Variants in HELZ2 observed in about 807,000 individuals in gnomAD.
HELZ2 encodes the protein helicase with zinc finger 2.
HELZ2 carries 143 observed loss-of-function variants against 208.8 expected under a neutral mutation model. The ratio of observed to expected loss-of-function variants is 0.68; its 90% CI spans 0.60 to 0.79. The LOEUF is 0.79. HELZ2 is among the 30% of genes least tolerant of loss of function. The pLI is 0.00. For missense variants in HELZ2, 3,690 were observed against 3,794.5 expected (o/e 0.97, Z 0.72); for synonymous variants, 1,705 against 1,693.7 (o/e 1.01, Z -0.16).
intron 3 of HELZ2, chr20:63,570,212 G>A (rs777306947): frequency 1.5e-4 from 83 of 540,786 alleles, no homozygotes; most frequent in Middle Eastern, 7.8e-4. Flanking sequence ...CACCTGCCTC[G>A]GTCTCCCAAA....
chr20:63,570,226 C>T (rs1453971978), intron 3 of HELZ2: 2 of 563,650 alleles, frequency 3.5e-6, no homozygotes, highest in Non-Finnish European at 6.9e-6. Context: ...TCCCAAAGTG[C>T]TGGGATTACA....
intron 3 of HELZ2, chr20:63,570,163 T>C (rs1026994513): frequency 4.2e-6 from 2 of 474,816 alleles, no homozygotes; most frequent in Non-Finnish European, 8.3e-6. Context: ...TTTCACCCTA[T>C]TGGCCAGGCT....
rs530347157 is a variant in HELZ2 at position 63,570,239 on chromosome 20, C to T, written c.570+265G>A. Reference sequence around the variant, plus strand: ...TCTCCCAAAGTGCTGGGATTACAGGCGTGAACCACCGCACCTGGCCAAATC... The same window carrying T: ...TCTCCCAAAGTGCTGGGATTACAGGTGTGAACCACCGCACCTGGCCAAATC... On this transcript the variant is annotated intron_variant, in intron 3 of 18. Transcript: ENST00000467148. The T allele has an allele frequency of 1.3e-4, 75 of 592,986 alleles. No homozygotes were observed. In the African/African-American group the frequency reaches 1.3e-3, roughly 10 times the overall value. 36.7% of individuals were successfully genotyped at this position (592,986 alleles called of 1,614,324 possible).
chr20:63,569,674 G>A lies in HELZ2; in HGVS notation c.571-9C>T, dbSNP rs2082999728. On this transcript the variant is annotated splice_polypyrimidine_tract_variant and intron_variant, in intron 3 of 18. Coordinates refer to ENST00000467148, the Ensembl canonical transcript of HELZ2. ...ACGTGTAGCAGGGGCTCCTGGAGAG[G>A]AGGCCAGACGGTGAGGGGGGCCCAG... 3.3e-6 allele frequency: 5 copies of A among 1,512,032 alleles called. No homozygotes were observed. Among genetic ancestry groups the A allele is most frequent in the Non-Finnish European group, 4.4e-6 (5 of 1,129,492 alleles). 93.7% of individuals were successfully genotyped at this position (1,512,032 alleles called of 1,614,324 possible). A position where few individuals can be genotyped will look rare whatever the true frequency, so the allele number is the denominator to read the frequency against.
At chr20:63,559,942 C>T (rs754792356) in exon 18 of HELZ2, 2 of 1,610,792 alleles carry the variant, frequency 1.2e-6, no homozygotes, top group Admixed American at 1.7e-5. Context: ...CAGGCAGAGC[C>T]CCTCCTGGGC....
At chr20:63,566,085 C>A in exon 8 of HELZ2, 1 of 1,585,788 alleles carries the variant, frequency 6.3e-7, no homozygotes, top group Non-Finnish European at 8.5e-7. Flanking sequence ...ACGGCGTCCC[C>A]CACTACCACC....
downstream of HELZ2, chr20:63,558,947 T>C (rs1409337018): frequency 2.7e-5 from 8 of 296,604 alleles, no homozygotes; most frequent in Non-Finnish European, 4.4e-5. Flanking sequence ...TCCACAGGGT[T>C]TCCTTCCTGG....
chr20:63,566,226 G>A lies in HELZ2; in HGVS notation c.2596C>T (p.Gln866Ter). The stretch of plus-strand genomic sequence containing the variant: ...GTGCTGAGCACCACGACCCGGAACT[G>A]CCGCCCTGCAGGGGGCACGCAGTCA... Residue 866 changes from glutamine to a stop codon, truncating the protein, a stop_gained, in exon 8 of 19, where the codon CAG becomes TAG. Transcript: ENST00000467148. LOFTEE classifies it high-confidence loss of function. The A allele has an allele frequency of 6.7e-7, 1 of 1,487,128 alleles. No homozygotes were observed. 92.1% of individuals were successfully genotyped at this position (1,487,128 alleles called of 1,614,324 possible).
At chr20:63,563,728 G>A in exon 8 of HELZ2, 2 of 1,598,180 alleles carry the variant, frequency 1.3e-6, no homozygotes, top group Non-Finnish European at 8.5e-7. Flanking sequence ...CCCTGGCAGA[G>A]TAGGCAGAGC....
rs751518404 is a variant in HELZ2, at chr20:63,562,139, G to T, written c.6462C>A (p.Asn2154Lys). The change falls in exon 10 of 19, where the codon AAC (asparagine) becomes AAA (lysine). Residue 2154 changes from asparagine (N) to lysine (K), a missense_variant. By Grantham distance (94) the Asn-to-Lys change is moderately conservative. Transcript: ENST00000467148. ...CCCTGACCGCCACGTTCTGGCTGGG[G>T]TTCAGCTTGTGGCGGCCTCCGGGGA... The T allele has an allele frequency of 1.2e-5, 19 of 1,612,456 alleles. No homozygotes were observed. In the Admixed American group the frequency reaches 3.2e-4, roughly 27 times the overall value.
chr20:63,560,204 C>T (rs144804157), exon 17 of HELZ2: 265 of 1,557,188 alleles, frequency 1.7e-4, no homozygotes, highest in Middle Eastern at 8.9e-4. Context: ...ACGGCCACCC[C>T]GGCGATGCCC....
In HELZ2 at chr20:63,565,003, C is replaced by T. The variant is rs1294859285; in HGVS notation, c.3819G>A (p.Arg1273=). The stretch of plus-strand genomic sequence containing the variant: ...TGCCCAGCGGGTAGTAGAAGCCTTG[C>T]CGCCACAGGACAATTTGGACCCAGA... The change falls in exon 8 of 19, where the codon CGG becomes CGA. Residue 1273 remains arginine, a synonymous_variant. Coordinates refer to ENST00000467148, the Ensembl canonical transcript of HELZ2. The T allele has an allele frequency of 8.2e-6, 13 of 1,593,988 alleles. No homozygotes were observed. In the East Asian group the frequency reaches 2.3e-4, roughly 28 times the overall value.
chr20:63,559,368 C>T, exon 19 of HELZ2: 1 of 1,593,354 alleles, frequency 6.3e-7, no homozygotes, highest in African/African-American at 1.3e-5. Flanking sequence ...AGGAGGTGGT[C>T]TCCTGTGAGG....
chr20:63,559,872 C>T, intron 18 of HELZ2, 56 bp downstream of exon 19: 2 of 1,577,748 alleles, frequency 1.3e-6, no homozygotes, highest in Non-Finnish European at 1.7e-6. Context: ...AGCTCCCTAG[C>T]CCAGCCCTGG....
Position 63,567,632 on chromosome 20 carries a change from G to A in HELZ2, c.1731-5C>T, listed in dbSNP as rs750324865. ...CGGATGTAGATGTCGGCGGCACTGC[G>A]GGAGGGGGAGGAGCTCATGGGCTTC... is the stretch of plus-strand genomic sequence containing the variant. On this transcript the variant is annotated splice_region_variant and splice_polypyrimidine_tract_variant and intron_variant, in intron 5 of 18. Transcript: ENST00000467148. The A allele has an allele frequency of 4.4e-5, 71 of 1,597,438 alleles. 1 individual carries two copies. Among genetic ancestry groups the A allele is most frequent in the African/African-American group, 5.4e-5 (4 of 74,712 alleles).
chr20:63,570,747 G>C, exon 2 of HELZ2: 1 of 1,546,456 alleles, frequency 6.5e-7, no homozygotes, highest in South Asian at 1.1e-5. Flanking sequence ...TAGGGCACCA[G>C]CCCGTCCTGC....
chr20:63,561,765 G>A lies in HELZ2; in HGVS notation c.6692-20C>T, dbSNP rs527866325. ...GCAGTCCTGAGGGTAGTTGGGGGAC[G>A]TGAGTCCTGCCCCGCGTGCCAGCTC... On this transcript the variant is annotated intron_variant, in intron 11 of 18. Coordinates refer to ENST00000467148, the Ensembl canonical transcript of HELZ2. 23 of 1,575,914 alleles carry A rather than the reference G, an allele frequency of 1.5e-5. No homozygotes were observed. The highest frequency in any genetic ancestry group is 6.9e-5 in the South Asian group (6 of 87,112).
exon 16 of HELZ2, chr20:63,560,650 C>G: frequency 6.2e-7 from 1 of 1,610,242 alleles, no homozygotes; most frequent in Non-Finnish European, 8.5e-7. Flanking sequence ...ACGTCTTCAG[C>G]TTGCTCTTGT....
At chr20:63,568,325 G>T in intron 5 of HELZ2, 33 bp downstream of exon 6, 1 of 1,527,148 alleles carries the variant, frequency 6.5e-7, no homozygotes, top group Admixed American at 1.7e-5. Flanking sequence ...CCGGGCGTCA[G>T]GTGAGGTGGG....
Sources: gnomAD v4.1 joint callset for allele counts on GRCh38, gnomAD v4.1.1 for gene constraint, MANE v1.5 for transcripts, NCBI Gene and HGNC (gene_info 2026-07-23, HGNC 2026-07-21) for gene names.